The following CADPS2 variants were observed in gnomAD, a reference collection of about 807,000 sequenced individuals.
CADPS2 encodes calcium-dependent secretion activator 2.
CADPS2 carries 93 observed loss-of-function variants against 172.5 expected under a neutral mutation model. That is an observed-to-expected ratio of 0.54 (90% CI 0.46 to 0.64). The LOEUF is 0.64. Among genes scored for constraint, CADPS2 ranks in the 30% least tolerant of loss-of-function variants. The pLI is 0.00. For synonymous variants in CADPS2, 546 were observed against 555.2 expected, an observed-to-expected ratio of 0.98 and a Z score of 0.23; for missense variants, 1,420 against 1,565.9, an observed-to-expected ratio of 0.91 and a Z score of 1.57.
rs374777887 is a variant in CADPS2 at position 122,586,905 on chromosome 7, T to C, written c.1224-5615A>G. On this transcript the variant is annotated intron_variant, in intron 6 of 29. Transcript: ENST00000449022. Reference sequence around the variant, plus strand: ...TCATTTCCAATACAGTGAGTGCTTTTAAAAATTATTTGTCACCAAATAACC... The same window carrying C: ...TCATTTCCAATACAGTGAGTGCTTTCAAAAATTATTTGTCACCAAATAACC... Among the ~76,000 whole-genome samples the C allele has an allele frequency of 6.3e-4, 96 of 152,112 alleles. 1 individual carries two copies. In the South Asian group the frequency reaches 0.019, roughly 30 times the overall value.
chr7:122,357,967 T>C (rs1168076277), intron 27 of CADPS2, among the ~76,000 whole-genome samples: 1 of 152,144 alleles, frequency 6.6e-6, no homozygotes, highest in Non-Finnish European at 1.5e-5. Flanking sequence ...GGTGGACATA[T>C]GTTTCAAATC....
At chr7:122,693,606 C>A (rs2084680053) in intron 2 of CADPS2, among the ~76,000 whole-genome samples, 1 of 152,128 alleles carries the variant, frequency 6.6e-6, no homozygotes, top group South Asian at 2.1e-4. Context: ...AAAAGCTCTC[C>A]AGGTGATTCC....
At chr7:122,528,659 G>C (rs368653836) in intron 8 of CADPS2, among the ~76,000 whole-genome samples, 2 of 152,014 alleles carry the variant, frequency 1.3e-5, no homozygotes, top group African/African-American at 4.8e-5. Flanking sequence ...TTATTTATTT[G>C]CTGACAAAAC....
chr7:122,471,914 G>A (rs1383759803), intron 13 of CADPS2, among the ~76,000 whole-genome samples: 2 of 151,998 alleles, frequency 1.3e-5, no homozygotes, highest in Non-Finnish European at 2.9e-5. Flanking sequence ...AAAAAAAGAC[G>A]ACATTATAGA....
intron 7 of CADPS2, among the ~76,000 whole-genome samples, chr7:122,559,820 G>A (rs1027574295): frequency 8.1e-5 from 12 of 148,812 alleles, no homozygotes; most frequent in East Asian, 2.0e-4. Flanking sequence ...AAGATAACCC[G>A]AGAACCCTCT....
intron 1 of CADPS2, among the ~76,000 whole-genome samples, chr7:122,748,976 C>G (rs1183069094): frequency 1.3e-5 from 2 of 152,090 alleles, no homozygotes; most frequent in African/African-American, 4.8e-5. Flanking sequence ...TTTCAGGGCC[C>G]TGGCCTTTTC....
At chr7:122,584,813 T>C (rs2069398994) in intron 6 of CADPS2, among the ~76,000 whole-genome samples, 1 of 152,016 alleles carries the variant, frequency 6.6e-6, no homozygotes. Context: ...CTTTTCCTTT[T>C]TCTTATTAAG....
intron 25 of CADPS2, among the ~76,000 whole-genome samples, chr7:122,372,102 A>T (rs1314940325): frequency 6.6e-6 from 1 of 152,178 alleles, no homozygotes; most frequent in African/African-American, 2.4e-5. Flanking sequence ...CTATTATATT[A>T]CTCCTACTTT....
At chr7:122,462,232 G>A (rs1325069246) in intron 14 of CADPS2, among the ~76,000 whole-genome samples, 2 of 152,064 alleles carry the variant, frequency 1.3e-5, no homozygotes, top group Non-Finnish European at 2.9e-5. Context: ...CCAGAAAGGG[G>A]GTGACTGGAG....
At chr7:122,808,725 T>A (rs570762246) in intron 1 of CADPS2, among the ~76,000 whole-genome samples, 2 of 152,234 alleles carry the variant, frequency 1.3e-5, no homozygotes, top group Admixed American at 1.3e-4. Context: ...TCTGCTTCAA[T>A]ACAACCAAGA....
intron 1 of CADPS2, among the ~76,000 whole-genome samples, chr7:122,829,040 A>G (rs557370232): frequency 3.2e-4 from 49 of 152,222 alleles, no homozygotes; most frequent in Non-Finnish European, 6.6e-4. Context: ...TAAAAGCATT[A>G]TATATTTAAA....
chr7:122,482,753 A>G (rs1185366388), intron 11 of CADPS2, among the ~76,000 whole-genome samples: 1 of 152,130 alleles, frequency 6.6e-6, no homozygotes, highest in African/African-American at 2.4e-5. Context: ...AGTTCAAAAG[A>G]TGGAACTGAC....
chr7:122,509,020 T>C (rs913867796), intron 9 of CADPS2, among the ~76,000 whole-genome samples: 2 of 152,204 alleles, frequency 1.3e-5, no homozygotes, highest in African/African-American at 2.4e-5. Context: ...TTTTCTTGAT[T>C]TGGCAACAAT....
In CADPS2 at chr7:122,677,575, T is replaced by C. The variant is rs554531200; in HGVS notation, c.454-14006A>G. Among the ~76,000 whole-genome samples the C allele has an allele frequency of 2.6e-5, 4 of 152,310 alleles. No individual in the cohort carries two copies. The South Asian group carries it at 6.2e-4, about 24-fold the overall frequency. On this transcript the variant is annotated intron_variant, in intron 2 of 29. Coordinates refer to ENST00000449022, the MANE Select transcript of CADPS2 (RefSeq NM_017954.11). ...ATTTTGCAAATAGCTAAAATTTATT[T>C]TAGGGACTTCATGTATATTAACCCT...
At chr7:122,474,630 A>G in intron 12 of CADPS2, 113 bp from the exon 13 acceptor site, 1 of 969,612 alleles carries the variant, frequency 1.0e-6, no homozygotes, top group South Asian at 1.7e-5. Flanking sequence ...ACCTTTTATC[A>G]CATGAAATAT....
chr7:122,837,220 TTGAAACCAA>T (rs2140824403), intron 1 of CADPS2, among the ~76,000 whole-genome samples: 1 of 152,284 alleles, frequency 6.6e-6, no homozygotes, highest in African/African-American at 2.4e-5. Context: ...TAGATGTTCT[TTGAAACCAA>T]TGAAAACAAA....
At chr7:122,642,941 A>G (rs1371638894) in intron 3 of CADPS2, among the ~76,000 whole-genome samples, 2 of 152,168 alleles carry the variant, frequency 1.3e-5, no homozygotes, top group African/African-American at 4.8e-5. Context: ...TTTTCTTATA[A>G]TATTTATCTT....
At chr7:122,604,968 C>T (rs1258972569) in intron 6 of CADPS2, among the ~76,000 whole-genome samples, 1 of 152,040 alleles carries the variant, frequency 6.6e-6, no homozygotes, top group East Asian at 1.9e-4. Context: ...GTATGGCCTA[C>T]CACAAACCTA....
intron 14 of CADPS2, among the ~76,000 whole-genome samples, chr7:122,455,908 G>A (rs1463938553): frequency 6.6e-6 from 1 of 151,968 alleles, no homozygotes; most frequent in Non-Finnish European, 1.5e-5. Flanking sequence ...GTTTCAAGTT[G>A]GCCAGGCTGG....
Sources: gnomAD v4.1 joint callset for allele counts (sites outside exome capture counted in the v4.1 genomes callset) on GRCh38, gnomAD v4.1.1 for gene constraint, MANE v1.5 for transcripts, NCBI Gene and HGNC (gene_info 2026-07-23, HGNC 2026-07-21) for gene names.